APBA1: variants seen among roughly 807,000 people sequenced by gnomAD.
APBA1 encodes the protein amyloid-beta A4 precursor protein-binding family A member 1.
A neutral mutation model predicts 86.6 loss-of-function variants in APBA1; 55 were observed. The ratio of observed to expected loss-of-function variants is 0.64; its 90% confidence interval spans 0.51 to 0.80. The LOEUF (loss-of-function observed/expected upper bound fraction) is 0.80. Ranked by LOEUF, APBA1 falls within the 30% of genes least tolerant of loss-of-function variation. APBA1 has a pLI of 0.00. For synonymous variants in APBA1, 511 were observed against 493.9 expected (o/e 1.03, Z -0.46); for missense variants, 1,090 against 1,183.0 (o/e 0.92, Z 1.15).
chr9:69,598,458 A>G (rs2133971309), intron 1 of APBA1, among the ~76,000 whole-genome samples: 1 of 152,240 alleles, frequency 6.6e-6, no homozygotes, highest in Admixed American at 6.5e-5. Context: ...ATTAAAAAAA[A>G]AAAAGAGAAA....
At chr9:69,439,935 T>C (rs1260268864) in intron 11 of APBA1, among the ~76,000 whole-genome samples, 1 of 152,250 alleles carries the variant, frequency 6.6e-6, no homozygotes, top group African/African-American at 2.4e-5. Context: ...TGGTCTTTGA[T>C]GATGCTGACG....
At chr9:69,641,758 T>G (rs1823290458) in intron 1 of APBA1, among the ~76,000 whole-genome samples, 1 of 152,244 alleles carries the variant, frequency 6.6e-6, no homozygotes. Context: ...AGACTTAAAT[T>G]TAAGAGCTAA....
chr9:69,486,454 A>C (rs1056391548), intron 2 of APBA1, among the ~76,000 whole-genome samples: 18 of 152,248 alleles, frequency 1.2e-4, no homozygotes, highest in African/African-American at 4.3e-4. Flanking sequence ...CAAGAAACAA[A>C]GAGGAAGGAG....
rs187233058 is a variant in APBA1 at position 69,595,654 on chromosome 9, G to A, written c.-70+76499C>T. Among the ~76,000 whole-genome samples the A allele has an allele frequency of 4.6e-5, 7 of 152,210 alleles. No homozygotes were observed. In the East Asian group the frequency reaches 9.7e-4, roughly 21 times the overall value. On this transcript the variant is annotated intron_variant, in intron 1 of 12. Coordinates refer to ENST00000265381, the MANE Select transcript of APBA1 (RefSeq NM_001163.4). ...TTCATACATGATTTTTCAGATGTTC[G>A]AAGTTGCTCAATCTAGCTATATCCA... is the stretch of plus-strand genomic sequence containing the variant.
At chr9:69,599,509 G>A (rs372931006) in intron 1 of APBA1, among the ~76,000 whole-genome samples, 2 of 152,218 alleles carry the variant, frequency 1.3e-5, no homozygotes, top group East Asian at 3.9e-4. Flanking sequence ...TCCCTCCAAT[G>A]CCAAACCACT....
chr9:69,456,977 G>C, intron 7 of APBA1, 76 bp downstream of exon 7: 2 of 1,255,088 alleles, frequency 1.6e-6, no homozygotes, highest in Non-Finnish European at 1.2e-6. Context: ...ACACATGCCT[G>C]CTCTACAGAC....
chr9:69,584,927 C>T (rs1821989604), intron 1 of APBA1, among the ~76,000 whole-genome samples: 1 of 152,182 alleles, frequency 6.6e-6, no homozygotes. Context: ...AGCACAAACC[C>T]ATGAATTATC....
At chr9:69,473,222 T>C (rs1835391823) in intron 3 of APBA1, among the ~76,000 whole-genome samples, 1 of 152,188 alleles carries the variant, frequency 6.6e-6, no homozygotes. Context: ...TTAATTTTAT[T>C]TTCCACTTAC....
chr9:69,521,804 A>G (rs576997179), intron 1 of APBA1, among the ~76,000 whole-genome samples: 1 of 152,174 alleles, frequency 6.6e-6, no homozygotes, highest in South Asian at 2.1e-4. Context: ...GGACAGAAAT[A>G]ATGTTTGTAG....
At chr9:69,555,482 A>G (rs940540345) in intron 1 of APBA1, among the ~76,000 whole-genome samples, 3 of 152,204 alleles carry the variant, frequency 2.0e-5, no homozygotes, top group Non-Finnish European at 4.4e-5. Flanking sequence ...TATGTTGTGC[A>G]GTAATTTGTT....
rs1465413564 is a variant in APBA1 at position 69,526,939 on chromosome 9, C to T, written c.-69-9660G>A. On this transcript the variant is annotated intron_variant, in intron 1 of 12. Transcript: ENST00000265381. The stretch of plus-strand genomic sequence containing the variant: ...AATGTCCTTTGTAGCAACATGCATG[C>T]AGCTGGAGGCCATTGTCCTAAGCAA... Among the ~76,000 whole-genome samples, 5 of 152,162 alleles carry T rather than the reference C, an allele frequency of 3.3e-5. No homozygotes were observed. In the South Asian group the frequency reaches 1.0e-3, roughly 32 times the overall value.
chr9:69,628,878 A>G (rs1822984058), intron 1 of APBA1, among the ~76,000 whole-genome samples: 2 of 152,218 alleles, frequency 1.3e-5, no homozygotes, highest in Admixed American at 1.3e-4. Flanking sequence ...GTTCTGGAGT[A>G]AAAGTGAGTT....
chr9:69,449,840 C>A (rs1397134996), intron 9 of APBA1, 44 bp from the exon 10 acceptor site: 1 of 1,556,742 alleles, frequency 6.4e-7, no homozygotes, highest in Non-Finnish European at 8.8e-7. Context: ...CAGTGACCAT[C>A]TGGGGTAGGT....
intron 1 of APBA1, among the ~76,000 whole-genome samples, chr9:69,582,550 T>C (rs1485207469): frequency 6.6e-6 from 1 of 152,180 alleles, no homozygotes; most frequent in Non-Finnish European, 1.5e-5. Context: ...CCCAGTTTCT[T>C]CTAGCCTGGT....
In APBA1 at chr9:69,513,259, G is replaced by GT. The variant is rs1260225675; in HGVS notation, c.1200+2751dup. Among the ~76,000 whole-genome samples the GT allele has an allele frequency of 2.6e-5, 4 of 152,294 alleles. No homozygotes were observed. The South Asian group carries it at 8.3e-4, about 32-fold the overall frequency. On this transcript the variant is annotated intron_variant, in intron 2 of 12. Transcript: ENST00000265381. The stretch of plus-strand genomic sequence containing the variant: ...AAACAGCATGCAAGAGAATTAAGTT[G>GT]TTCTCCTAGTTCAAATGAATAAAAG...
At chr9:69,654,927 G>A (rs1235266556) in intron 1 of APBA1, among the ~76,000 whole-genome samples, 4 of 152,092 alleles carry the variant, frequency 2.6e-5, no homozygotes, top group Non-Finnish European at 4.4e-5. Flanking sequence ...AACATGATAC[G>A]TCACATTAAC....
chr9:69,649,852 G>A (rs540986331), intron 1 of APBA1, among the ~76,000 whole-genome samples: 2 of 152,128 alleles, frequency 1.3e-5, no homozygotes. Context: ...AAAAGTGGGG[G>A]TAGGGTGGGG....
intron 2 of APBA1, among the ~76,000 whole-genome samples, chr9:69,484,538 T>A (rs945066186): frequency 2.6e-5 from 4 of 152,136 alleles, no homozygotes; most frequent in Non-Finnish European, 5.9e-5. Context: ...GACCTCCACT[T>A]AGAAAGTTCA....
At chr9:69,492,124 AT>A (rs2133861902) in intron 2 of APBA1, among the ~76,000 whole-genome samples, 1 of 152,170 alleles carries the variant, frequency 6.6e-6, no homozygotes, top group East Asian at 1.9e-4. Context: ...ATGTTTCAGG[AT>A]AGGGAGGTTA....
Sources: gnomAD v4.1 joint callset for allele counts (sites outside exome capture counted in the v4.1 genomes callset) on GRCh38, gnomAD v4.1.1 for gene constraint, MANE v1.5 for transcripts, NCBI Gene and HGNC (gene_info 2026-07-23, HGNC 2026-07-21) for gene names.